Variants in CEP76 observed in about 807,000 individuals in gnomAD.
CEP76 encodes the protein centrosomal protein 76, also known as centrosomal protein of 76 kDa.
Under a neutral mutation model 83.3 loss-of-function variants are expected in CEP76, and 55 were observed. That is an observed-to-expected ratio of 0.66 (90% confidence interval 0.53 to 0.83). The LOEUF (loss-of-function observed/expected upper bound fraction) is 0.83, where lower values mean the gene tolerates loss of function less well. CEP76 is among the 40% of genes least tolerant of loss of function. The probability of loss-of-function intolerance (pLI) is 0.00; values close to 1 mark genes in which losing one functional copy is unlikely to be tolerated. For synonymous variants in CEP76, 270 were observed against 274.5 expected, an observed-to-expected ratio of 0.98 and a Z score of 0.16; for missense variants, 694 against 799.5, an observed-to-expected ratio of 0.87 and a Z score of 1.59.
At position 12,702,658 on chromosome 18, in the gene CEP76, G is replaced by C; in HGVS notation, c.-110C>G. On this transcript the variant is annotated 5_prime_UTR_variant, in exon 1 of 12. Transcript: ENST00000262127. Reference sequence around the variant, plus strand: ...AGCGACTGGAGCACAAAGCGCCGCAGCCGTTCGCCTAGCGCAGCTCCCGGG... The same window carrying C: ...AGCGACTGGAGCACAAAGCGCCGCACCCGTTCGCCTAGCGCAGCTCCCGGG... The C allele has an allele frequency of 1.6e-6, 2 of 1,280,058 alleles. No individual in the cohort carries two copies. Among genetic ancestry groups the C allele is most frequent in the Non-Finnish European group, 2.1e-6 (2 of 942,602 alleles). 79.3% of individuals were successfully genotyped at this position (1,280,058 alleles called of 1,614,324 possible). A position where few individuals can be genotyped will look rare whatever the true frequency, so the allele number is the denominator to read the frequency against.
chr18:12,700,561 TGTTAA>T (rs2040116203), intron 2 of CEP76, among the ~76,000 whole-genome samples: 1 of 152,210 alleles, frequency 6.6e-6, no homozygotes, highest in Non-Finnish European at 1.5e-5. Context: ...ATTTGTAATT[TGTTAA>T]TCATAGAGAA....
At chr18:12,693,943 C>G (rs1310131358) in intron 6 of CEP76, among the ~76,000 whole-genome samples, 1 of 152,084 alleles carries the variant, frequency 6.6e-6, no homozygotes, top group African/African-American at 2.4e-5. Context: ...GCAATCCTCC[C>G]ATTTCAGCTT....
downstream of CEP76, among the ~76,000 whole-genome samples, chr18:12,672,177 C>T (rs1014001429): frequency 7.1e-6 from 1 of 140,746 alleles, no homozygotes; most frequent in African/African-American, 2.7e-5. Flanking sequence ...TGCAGTGGCG[C>T]GATCTCACCT....
chr18:12,698,297 C>T (rs1023887513), intron 4 of CEP76, among the ~76,000 whole-genome samples: 1 of 151,830 alleles, frequency 6.6e-6, no homozygotes, highest in African/African-American at 2.4e-5. Context: ...GGGGTGATCT[C>T]GGCTCATTAC....
chr18:12,662,758 T>TA (rs1175273600), intron 12 of CEP76, among the ~76,000 whole-genome samples: 3 of 152,110 alleles, frequency 2.0e-5, no homozygotes, highest in Admixed American at 6.6e-5. Flanking sequence ...GCCTGGGCGA[T>TA]AGAGTGAGAC....
At chr18:12,686,222 T>C (rs1354112501) in intron 8 of CEP76, 40 bp downstream of exon 8, 1 of 1,506,986 alleles carries the variant, frequency 6.6e-7, no homozygotes, top group African/African-American at 1.4e-5. Flanking sequence ...AGAGTAACTA[T>C]GATATACTGC....
At chr18:12,664,582 G>A (rs868627891) in intron 12 of CEP76, among the ~76,000 whole-genome samples, 2 of 151,876 alleles carry the variant, frequency 1.3e-5, no homozygotes, top group African/African-American at 2.4e-5. Flanking sequence ...AAGGGGTCTC[G>A]GTCTGCTGCC....
chr18:12,692,391 G>A (rs2039800055), intron 6 of CEP76: 1 of 151,190 alleles, frequency 6.6e-6, no homozygotes, highest in African/African-American at 2.4e-5. Context: ...TACCTGCCCT[G>A]GCCTATGAAC....
chr18:12,696,237 G>A (rs2039952878), intron 5 of CEP76, among the ~76,000 whole-genome samples: 1 of 152,164 alleles, frequency 6.6e-6, no homozygotes. Context: ...TGGGCGCGGT[G>A]ACTCACGCCA....
chr18:12,668,610 A>AAAAAAAAAAAAAAAAC (rs2038856958), downstream of CEP76, among the ~76,000 whole-genome samples: 1 of 56,182 alleles, frequency 1.8e-5, no homozygotes, highest in Non-Finnish European at 4.9e-5. Flanking sequence ...AAAAAAAAAA[A>AAAAAAAAAAAAAAAAC]AAAAAAAAAA....
chr18:12,693,744 C>G (rs1013499020), intron 6 of CEP76, among the ~76,000 whole-genome samples: 1 of 152,110 alleles, frequency 6.6e-6, no homozygotes, highest in Non-Finnish European at 1.5e-5. Context: ...GATTGCGCCA[C>G]TGCACTCCAA....
chr18:12,701,324 CACAA>C (rs112948779), intron 1 of CEP76, among the ~76,000 whole-genome samples: 2 of 152,236 alleles, frequency 1.3e-5, no homozygotes, highest in African/African-American at 4.8e-5. Flanking sequence ...ACCATTTCTC[CACAA>C]ACAACACTCA....
At position 12,678,170 on chromosome 18, in the gene CEP76, G is replaced by A. The variant is rs764882115; in HGVS notation, c.1562C>T (p.Ala521Val). The A allele has an allele frequency of 2.2e-5, 35 of 1,613,944 alleles. No individual in the cohort carries two copies. Among genetic ancestry groups the A allele is most frequent in the Middle Eastern group, 3.3e-4 (2 of 6,084 alleles). The change falls in exon 10 of 12, where the codon GCG (alanine) becomes GTG (valine). Residue 521 changes from alanine (A) to valine (V), a missense_variant. By Grantham distance (64) the Ala-to-Val change is moderately conservative. Transcript: ENST00000262127. ...TTCAATTTCATTACTTGTTACTGAC[G>A]CGTCAATTGTGGATGCACACAGAGG... ...FPPLCASTIDASVTSNEIEMQ... is the reference protein window; with the variant it reads ...FPPLCASTIDVSVTSNEIEMQ...
At chr18:12,673,908 C>A (rs1220006370) in intron 11 of CEP76, among the ~76,000 whole-genome samples, 1 of 151,892 alleles carries the variant, frequency 6.6e-6, no homozygotes, top group Non-Finnish European at 1.5e-5. Context: ...ATAATTTTTT[C>A]AAATTCTGTC....
At chr18:12,692,953 G>C (rs1219892862) in intron 6 of CEP76, among the ~76,000 whole-genome samples, 3 of 152,132 alleles carry the variant, frequency 2.0e-5, no homozygotes. Context: ...CTCCCCAGTA[G>C]CTGGGACTAC....
At chr18:12,677,762 C>T (rs2039195011) in intron 10 of CEP76, among the ~76,000 whole-genome samples, 1 of 152,128 alleles carries the variant, frequency 6.6e-6, no homozygotes, top group Admixed American at 6.6e-5. Context: ...CCCAGCCTAA[C>T]CCAGGATTTT....
At chr18:12,682,538 TA>T (rs769608574) in intron 8 of CEP76, among the ~76,000 whole-genome samples, 3 of 152,096 alleles carry the variant, frequency 2.0e-5, no homozygotes, top group Non-Finnish European at 4.4e-5. Flanking sequence ...TAAAGTTTTT[TA>T]AAAAAAATTA....
At chr18:12,701,157 G>C (rs1362845365) in intron 1 of CEP76, 44 bp from the exon 2 acceptor site, 69 of 1,456,948 alleles carry the variant, frequency 4.7e-5, no homozygotes, top group Non-Finnish European at 6.4e-5. Flanking sequence ...TCACAAAGCA[G>C]TCAAATACTG....
rs150779626 is a variant in CEP76 at position 12,686,145 on chromosome 18, T to C, written c.1122+117A>G. On this transcript the variant is annotated intron_variant, in intron 8 of 11. Coordinates refer to ENST00000262127, the MANE Select transcript of CEP76 (RefSeq NM_024899.4). ...GTTGAATCTACAGATACAGAACCTG[T>C]GGGTACAGAGGGTTGACTATATGTG... 1.1e-4 allele frequency: 78 copies of C among 682,834 alleles called. 2 individuals are homozygous for C. In the East Asian group the frequency reaches 2.3e-3, roughly 20 times the overall value. The allele number at this position is 682,834 out of a possible 1,614,324, so 42.3% of individuals were successfully genotyped here.
Sources: allele counts gnomAD v4.1 joint callset (sites outside exome capture counted in the v4.1 genomes callset), GRCh38; gene constraint gnomAD v4.1.1; transcripts MANE v1.5; gene names NCBI Gene and HGNC (gene_info 2026-07-23, HGNC 2026-07-21).